Variants in MMD observed in about 807,000 individuals in gnomAD.
MMD encodes the protein monocyte to macrophage differentiation factor.
MMD carries 22 observed loss-of-function variants against 33.6 expected under a neutral mutation model. The observed-to-expected ratio is 0.66, with a 90% confidence interval of 0.47 to 0.94. MMD has a LOEUF of 0.94. Among genes scored for constraint, MMD ranks in the 40% least tolerant of loss-of-function variants. The pLI is 0.00. For synonymous variants in MMD, 97 were observed against 103.2 expected (o/e 0.94, Z 0.36); for missense variants, 242 against 309.8 (o/e 0.78, Z 1.64).
At chr17:55,415,381 C>A (rs753241985) in intron 1 of MMD, among the ~76,000 whole-genome samples, 1 of 151,974 alleles carries the variant, frequency 6.6e-6, no homozygotes, top group Non-Finnish European at 1.5e-5. Flanking sequence ...ATAAATAATC[C>A]TTTTGCTCAA....
In MMD at chr17:55,421,749, G is replaced by A. The variant is rs1361940447; in HGVS notation, c.-54C>T. 5.1e-6 allele frequency: 8 copies of A among 1,556,912 alleles called. No homozygotes were observed. The South Asian group carries it at 7.0e-5, about 14-fold the overall frequency. On this transcript the variant is annotated 5_prime_UTR_variant, in exon 1 of 7. Transcript: ENST00000262065. ...GAGCTCCGTCTCGTCAGCACCGGCG[G>A]CCGGGCGCGCGGCCCTCATGGGCTT...
intron 6 of MMD, among the ~76,000 whole-genome samples, chr17:55,398,377 T>C (rs145950657): frequency 3.4e-4 from 52 of 151,878 alleles, no homozygotes; most frequent in East Asian, 2.5e-3. Flanking sequence ...TTCTTCTTCA[T>C]AGTCTCCAGG....
chr17:55,401,342 C>G, intron 6 of MMD, 127 bp downstream of exon 6: 1 of 785,964 alleles, frequency 1.3e-6, no homozygotes, highest in Non-Finnish European at 1.9e-6. Context: ...TTTATAAGTT[C>G]TTTTTCTTTT....
rs1301105857 is a variant in MMD at position 55,393,311 on chromosome 17, T to C, written c.*1023A>G. On this transcript the variant is annotated 3_prime_UTR_variant, in exon 7 of 7. Transcript: ENST00000262065. ...CAAAGGAAAGGCAGAAATGTGAATT[T>C]ATGCATCTAGTTCCACAATTTAAAA... is the stretch of plus-strand genomic sequence containing the variant. 1 of 150,760 alleles carries C rather than the reference T, an allele frequency of 6.6e-6. No homozygotes were observed. Among genetic ancestry groups the C allele is most frequent in the African/African-American group, 2.4e-5 (1 of 41,142 alleles). 9.3% of individuals were successfully genotyped at this position (150,760 alleles called of 1,614,324 possible).
At chr17:55,418,981 C>T (rs181232358) in intron 1 of MMD, among the ~76,000 whole-genome samples, 37 of 152,250 alleles carry the variant, frequency 2.4e-4, no homozygotes, top group African/African-American at 7.9e-4. Flanking sequence ...TGTGTGCCCA[C>T]ACACAGATGT....
chr17:55,406,317 C>T (rs1170542156), intron 4 of MMD, among the ~76,000 whole-genome samples: 2 of 151,956 alleles, frequency 1.3e-5, no homozygotes, highest in East Asian at 3.9e-4. Context: ...TCACTTGAAA[C>T]TGGGAGGCAG....
chr17:55,395,618 T>C (rs1907070234), intron 6 of MMD, among the ~76,000 whole-genome samples: 1 of 152,296 alleles, frequency 6.6e-6, no homozygotes, highest in African/African-American at 2.4e-5. Flanking sequence ...AGCTGTGAGC[T>C]TCAGTCCTTT....
intron 1 of MMD, among the ~76,000 whole-genome samples, chr17:55,420,828 T>G (rs570333257): frequency 6.6e-6 from 1 of 152,316 alleles, no homozygotes; most frequent in African/African-American, 2.4e-5. Context: ...CTCAGAGTCA[T>G]GGGCTAACCT....
Position 55,392,693 on chromosome 17 carries a change from T to C in MMD, c.*1641A>G, listed in dbSNP as rs1427903105. ...ATATTAGTGGTTTTGACAGTGTTAC[T>C]TTTGAGTAGACCTTAAATGAATCCA... On this transcript the variant is annotated 3_prime_UTR_variant, in exon 7 of 7. Coordinates refer to ENST00000262065, the MANE Select transcript of MMD (RefSeq NM_012329.3). 6.6e-6 allele frequency: 1 copy of C among 152,644 alleles called. No homozygotes were observed. The highest frequency in any genetic ancestry group is 2.4e-5 in the African/African-American group (1 of 41,448). The allele number at this position is 152,644 out of a possible 1,614,324, so 9.5% of individuals were successfully genotyped here. A position where few individuals can be genotyped will look rare whatever the true frequency, so the allele number is the denominator to read the frequency against.
In MMD at chr17:55,421,673, T is replaced by C; in HGVS notation, c.23A>G (p.Gln8Arg). 6.3e-7 allele frequency: 1 copy of C among 1,598,152 alleles called. No homozygotes were observed. Among genetic ancestry groups the C allele is most frequent in the Admixed American group, 1.7e-5 (1 of 57,560 alleles). ...ACCGGGACGCCATCCCTCTCACCGC[T>C]GGAATCGATTCTTGAACCGCATTGA... Reference protein sequence around the residue: MRFKNRFQRFMNHRAPAN... With the variant: MRFKNRFRRFMNHRAPAN... The change falls in exon 1 of 7, where the codon CAG becomes CGG. Residue 8 changes from glutamine to arginine, a missense_variant. Physicochemically the swap from Gln to Arg is conservative, Grantham distance 43. Coordinates refer to ENST00000262065, the MANE Select transcript of MMD (RefSeq NM_012329.3).
intron 6 of MMD, among the ~76,000 whole-genome samples, chr17:55,396,333 T>C (rs1033740049): frequency 1.3e-5 from 2 of 152,214 alleles, no homozygotes; most frequent in Admixed American, 6.5e-5. Flanking sequence ...AGAAAACTTT[T>C]TTATCCAGTC....
rs73316294 is a variant in MMD at position 55,411,681 on chromosome 17, T to C, written c.109-264A>G. Among the ~76,000 whole-genome samples, 8,007 of 148,984 alleles carry C rather than the reference T, an allele frequency of 0.054. 256 individuals carry two copies. The highest frequency in any genetic ancestry group is 0.14 in the Middle Eastern group (41 of 288). On this transcript the variant is annotated intron_variant, in intron 2 of 6. Coordinates refer to ENST00000262065, the MANE Select transcript of MMD (RefSeq NM_012329.3). ...TCAAGGATGCAACATCATTCAGCTGTTGCAAAACAGATGGTTTTTTTTTTT... is the reference window on the plus strand; with the variant it reads ...TCAAGGATGCAACATCATTCAGCTGCTGCAAAACAGATGGTTTTTTTTTTT...
chr17:55,404,529 A>G, intron 4 of MMD: 1 of 985,368 alleles, frequency 1.0e-6, no homozygotes, highest in Non-Finnish European at 1.2e-6. Flanking sequence ...GATTACTTAC[A>G]AACCTTAATG....
chr17:55,403,550 C>T (rs1907428073), intron 5 of MMD, among the ~76,000 whole-genome samples: 1 of 152,210 alleles, frequency 6.6e-6, no homozygotes, highest in African/African-American at 2.4e-5. Flanking sequence ...GTCCCCTCAA[C>T]TACATTATAC....
At chr17:55,420,161 G>A (rs1424277167) in intron 1 of MMD, 1 of 152,136 alleles carries the variant, frequency 6.6e-6, no homozygotes, top group Non-Finnish European at 1.5e-5. Context: ...CAAGGAAGGG[G>A]CAATTTCACA....
At chr17:55,414,273 T>G in intron 1 of MMD, 41 bp from the exon 2 acceptor site, 1 of 1,588,272 alleles carries the variant, frequency 6.3e-7, no homozygotes, top group African/African-American at 1.3e-5. Context: ...AAACTCAAAG[T>G]GTGTGAAGAA....
At chr17:55,420,389 G>A (rs943418048) in intron 1 of MMD, 2 of 152,166 alleles carry the variant, frequency 1.3e-5, no homozygotes, top group African/African-American at 4.8e-5. Flanking sequence ...AAGTTCCACT[G>A]GGGGAACAGT....
In MMD at chr17:55,394,401, G is replaced by C; in HGVS notation, c.650C>G (p.Ala217Gly). The change falls in exon 7 of 7, where the codon GCA becomes GGA. Residue 217 changes from alanine to glycine, a missense_variant. Ala to Gly is a moderately conservative substitution (Grantham distance 60, BLOSUM62 0). Transcript: ENST00000262065. ...TTTCCAAATGGCGTAGTAATGCACT[G>C]CAGCTGCCGTGGCCACAAACAGGTG... ...IWHLFVATAAAVHYYAIWKYL... is the reference protein window; with the variant it reads ...IWHLFVATAAGVHYYAIWKYL... The C allele has an allele frequency of 6.7e-7, 1 of 1,501,706 alleles. No homozygotes were observed. Among genetic ancestry groups the C allele is most frequent in the Non-Finnish European group, 8.8e-7 (1 of 1,131,038 alleles). 93.0% of individuals were successfully genotyped at this position (1,501,706 alleles called of 1,614,324 possible). A position where few individuals can be genotyped will look rare whatever the true frequency, so the allele number is the denominator to read the frequency against.
At chr17:55,395,487 C>T (rs971747653) in intron 6 of MMD, among the ~76,000 whole-genome samples, 1 of 152,156 alleles carries the variant, frequency 6.6e-6, no homozygotes, top group Non-Finnish European at 1.5e-5. Flanking sequence ...GTGTGCCCCG[C>T]AAGAGTAAAG....
Sources: gnomAD v4.1 joint callset for allele counts (sites outside exome capture counted in the v4.1 genomes callset) on GRCh38, gnomAD v4.1.1 for gene constraint, MANE v1.5 for transcripts, NCBI Gene and HGNC (gene_info 2026-07-23, HGNC 2026-07-21) for gene names.